The following AOAH variants were observed in gnomAD, a reference collection of about 807,000 sequenced individuals.
AOAH encodes the protein acyloxyacyl hydrolase (neutrophil).
AOAH carries 64 observed loss-of-function variants against 92.2 expected under a neutral mutation model. The observed-to-expected ratio is 0.69, with a 90% CI of 0.57 to 0.86. The LOEUF is 0.86. Ranked by LOEUF, AOAH falls within the 40% of genes least tolerant of loss-of-function variation. The probability of loss-of-function intolerance (pLI) is 0.00; values close to 1 mark genes in which losing one functional copy is unlikely to be tolerated. For synonymous variants in AOAH, 263 were observed against 254.5 expected (o/e 1.03, Z -0.32); for missense variants, 656 against 694.6 (o/e 0.94, Z 0.62).
At chr7:36,706,342 T>C (rs1290842625) in intron 1 of AOAH, among the ~76,000 whole-genome samples, 4 of 152,148 alleles carry the variant, frequency 2.6e-5, no homozygotes, top group Non-Finnish European at 4.4e-5. Flanking sequence ...GAAATAAATC[T>C]TTTTTCTGAG....
chr7:36,719,741 G>A lies in AOAH; in HGVS notation c.127+4281C>T, dbSNP rs1253917026. ...GGCCCAGAAGTTTGAGACCAGCCTGGACAACATAATGAGACCCTGTCTCCA... is the reference window on the plus strand; with the variant it reads ...GGCCCAGAAGTTTGAGACCAGCCTGAACAACATAATGAGACCCTGTCTCCA... On this transcript the variant is annotated intron_variant, in intron 1 of 20. Transcript: ENST00000617537. Among the ~76,000 whole-genome samples the A allele has an allele frequency of 3.3e-5, 5 of 152,048 alleles. No individual in the cohort carries two copies. The East Asian group carries it at 9.6e-4, about 29-fold the overall frequency.
chr7:36,632,807 CTA>C (rs2116249046), intron 5 of AOAH, among the ~76,000 whole-genome samples: 1 of 152,316 alleles, frequency 6.6e-6, no homozygotes, highest in Admixed American at 6.5e-5. Flanking sequence ...CTTCGAATGG[CTA>C]TGAGGAGTGT....
At chr7:36,659,904 A>G (rs1275418322) in intron 3 of AOAH, among the ~76,000 whole-genome samples, 3 of 152,060 alleles carry the variant, frequency 2.0e-5, no homozygotes, top group South Asian at 4.1e-4. Context: ...GAAAAACTAC[A>G]AAGAAGTAAA....
chr7:36,615,467 C>T lies in AOAH; in HGVS notation c.846+913G>A, dbSNP rs1053502309. Among the ~76,000 whole-genome samples the T allele has an allele frequency of 3.3e-5, 5 of 152,160 alleles. No individual in the cohort carries two copies. In the South Asian group the frequency reaches 1.0e-3, roughly 32 times the overall value. ...CCAAGTATGTAGCTATCCCTAGGCA[C>T]AGGTTTTGTTACATTTCCTCACGAT... On this transcript the variant is annotated intron_variant, in intron 11 of 20. Coordinates refer to ENST00000617537, the MANE Select transcript of AOAH (RefSeq NM_001637.4).
At chr7:36,521,922 C>T in intron 20 of AOAH, 117 bp downstream of exon 20, 1 of 859,868 alleles carries the variant, frequency 1.2e-6, no homozygotes, top group South Asian at 1.5e-5. Flanking sequence ...ATGTACACTA[C>T]CTCAAATCCT....
rs1789345419 is a variant in AOAH, at chr7:36,586,639, C to G, written c.938+7700G>C. Among the ~76,000 whole-genome samples the G allele has an allele frequency of 2.6e-5, 4 of 152,240 alleles. No homozygotes were observed. In the South Asian group the frequency reaches 8.3e-4, roughly 32 times the overall value. ...GAACAAAAGTTCTCAAACTTTTGCT[C>G]TCAGGACCACTTCACACTCTTAAAA... On this transcript the variant is annotated intron_variant, in intron 12 of 20. Coordinates refer to ENST00000617537, the MANE Select transcript of AOAH (RefSeq NM_001637.4).
chr7:36,608,319 C>T (rs570530941), intron 11 of AOAH, among the ~76,000 whole-genome samples: 24 of 152,324 alleles, frequency 1.6e-4, no homozygotes, highest in Admixed American at 5.9e-4. Flanking sequence ...CCAGCCTCAA[C>T]TCTTCTGGAC....
At chr7:36,612,480 C>T (rs1284528946) in intron 11 of AOAH, among the ~76,000 whole-genome samples, 7 of 152,044 alleles carry the variant, frequency 4.6e-5, no homozygotes, top group Non-Finnish European at 1.0e-4. Flanking sequence ...CATTTTTGCT[C>T]TTATAAATAA....
At chr7:36,719,034 C>T (rs1225387724) in intron 1 of AOAH, among the ~76,000 whole-genome samples, 5 of 152,088 alleles carry the variant, frequency 3.3e-5, no homozygotes, top group South Asian at 2.1e-4. Context: ...ATAATTAAAG[C>T]GAGGAATAAG....
intron 16 of AOAH, among the ~76,000 whole-genome samples, chr7:36,535,498 A>G (rs1004845384): frequency 9.2e-5 from 14 of 152,230 alleles, no homozygotes; most frequent in African/African-American, 3.1e-4. Flanking sequence ...GGTATTTTAA[A>G]AAGACATTTG....
intron 20 of AOAH, among the ~76,000 whole-genome samples, chr7:36,513,616 G>T (rs943070468): frequency 6.6e-6 from 1 of 152,246 alleles, no homozygotes; most frequent in African/African-American, 2.4e-5. Context: ...GTCACATTGC[G>T]TGAGGCTTGG....
intron 2 of AOAH, among the ~76,000 whole-genome samples, chr7:36,678,611 G>GCGCA (rs1328936036): frequency 2.5e-4 from 36 of 144,712 alleles, no homozygotes; most frequent in Non-Finnish European, 5.0e-4. Flanking sequence ...GCGCGCGCGC[G>GCGCA]CGCGTTAGAA....
At chr7:36,529,300 TTGA>T (rs917537452) in intron 19 of AOAH, among the ~76,000 whole-genome samples, 13 of 152,134 alleles carry the variant, frequency 8.5e-5, no homozygotes, top group African/African-American at 2.9e-4. Context: ...ATATTCAAGG[TTGA>T]TGATGATCAA....
intron 12 of AOAH, 109 bp downstream of exon 12, chr7:36,594,230 A>G: frequency 1.2e-6 from 1 of 842,170 alleles, no homozygotes; most frequent in Non-Finnish European, 2.0e-6. Flanking sequence ...CATGTTCTAG[A>G]AGCAGTTCCT....
intron 12 of AOAH, among the ~76,000 whole-genome samples, chr7:36,591,621 A>C (rs2727801): frequency 0.35 from 53,441 of 152,074 alleles, 9,768 homozygotes; most frequent in Middle Eastern, 0.42. Context: ...ACTGATCAGG[A>C]TGATGGGTAA....
chr7:36,517,383 C>G (rs977062262), intron 20 of AOAH, among the ~76,000 whole-genome samples: 1 of 151,592 alleles, frequency 6.6e-6, no homozygotes, highest in East Asian at 1.9e-4. Flanking sequence ...CTCCGCCTCC[C>G]AGGTTCAAGC....
At chr7:36,551,269 T>A (rs1786229556) in intron 13 of AOAH, among the ~76,000 whole-genome samples, 1 of 152,108 alleles carries the variant, frequency 6.6e-6, no homozygotes, top group Non-Finnish European at 1.5e-5. Context: ...AGATGGGGTT[T>A]CACCATGTTG....
intron 1 of AOAH, among the ~76,000 whole-genome samples, chr7:36,701,213 A>G (rs1798010837): frequency 6.6e-6 from 1 of 151,952 alleles, no homozygotes; most frequent in Non-Finnish European, 1.5e-5. Flanking sequence ...ACTTTATTGC[A>G]TAACACATGG....
chr7:36,540,701 A>G (rs112429844), intron 15 of AOAH, among the ~76,000 whole-genome samples: 4 of 152,216 alleles, frequency 2.6e-5, no homozygotes, highest in Non-Finnish European at 5.9e-5. Context: ...TGAGTGGACT[A>G]TGTGACTAGT....
Sources: gnomAD v4.1 joint callset for allele counts (sites outside exome capture counted in the v4.1 genomes callset) on GRCh38, gnomAD v4.1.1 for gene constraint, MANE v1.5 for transcripts, NCBI Gene and HGNC (gene_info 2026-07-23, HGNC 2026-07-21) for gene names.